Variants in PRIM2 observed in about 807,000 individuals in gnomAD.
PRIM2 encodes the protein DNA primase large subunit.
A neutral mutation model predicts 67.3 loss-of-function variants in PRIM2; 39 were observed. The ratio of observed to expected loss-of-function variants is 0.58; its 90% CI spans 0.45 to 0.76. The LOEUF is 0.76. PRIM2 is among the 30% of genes least tolerant of loss of function. The pLI is 0.00. For synonymous variants in PRIM2, 143 were observed against 198.7 expected, an observed-to-expected ratio of 0.72 and a Z score of 2.36; for missense variants, 398 against 598.7, an observed-to-expected ratio of 0.66 and a Z score of 3.50.
chr6:57,464,315 T>C (rs1773114716), intron 7 of PRIM2, among the ~76,000 whole-genome samples: 1 of 151,950 alleles, frequency 6.6e-6, no homozygotes, highest in Admixed American at 6.6e-5. Flanking sequence ...TCTTGCTCTG[T>C]CACCCAGGCT....
chr6:57,415,850 T>C (rs1178411217), intron 7 of PRIM2, among the ~76,000 whole-genome samples: 14 of 152,204 alleles, frequency 9.2e-5, no homozygotes, highest in African/African-American at 2.9e-4. Flanking sequence ...ATCACCAGAT[T>C]GCAGCTGTTT....
chr6:57,476,747 T>A (rs1218733651), intron 7 of PRIM2, among the ~76,000 whole-genome samples: 3 of 152,116 alleles, frequency 2.0e-5, no homozygotes, highest in African/African-American at 7.2e-5. Context: ...ATTATTTTTA[T>A]ATTTATTTAT....
intron 13 of PRIM2, 28 bp downstream of exon 13, chr6:57,632,229 T>G: frequency 7.8e-7 from 1 of 1,287,378 alleles, no homozygotes; most frequent in Non-Finnish European, 1.0e-6. Flanking sequence ...CTTTATATCC[T>G]AATTATTTGT....
intron 7 of PRIM2, among the ~76,000 whole-genome samples, chr6:57,474,173 CTTTTTTTTTTTTTT>C (rs1158188964): frequency 3.8e-4 from 24 of 63,966 alleles, no homozygotes; most frequent in South Asian, 1.6e-3. Flanking sequence ...ATTCTGCTAT[CTTTTTTTTTTTTTT>C]TTTTTTTTTT....
chr6:57,584,827 C>T (rs1480031240), intron 10 of PRIM2, among the ~76,000 whole-genome samples: 18 of 152,164 alleles, frequency 1.2e-4, no homozygotes, highest in Admixed American at 2.6e-4. Context: ...GCATATAATA[C>T]ATACTTACAG....
chr6:57,529,033 G>A (rs1223403049), intron 8 of PRIM2, among the ~76,000 whole-genome samples: 2 of 152,128 alleles, frequency 1.3e-5, no homozygotes, highest in East Asian at 1.9e-4. Context: ...AAAACCAGCC[G>A]GGCGCAGTGG....
chr6:57,441,549 G>T (rs1286287891), intron 7 of PRIM2, among the ~76,000 whole-genome samples: 1 of 152,108 alleles, frequency 6.6e-6, no homozygotes, highest in Non-Finnish European at 1.5e-5. Flanking sequence ...ATTCTGTACA[G>T]ACATGGTTTC....
chr6:57,510,120 G>T (rs1774334643), intron 8 of PRIM2, among the ~76,000 whole-genome samples: 1 of 151,796 alleles, frequency 6.6e-6, no homozygotes, highest in Non-Finnish European at 1.5e-5. Context: ...CAGAATTTGT[G>T]ATATTGTTAT....
At chr6:57,376,245 C>T (rs1437292593) in intron 5 of PRIM2, among the ~76,000 whole-genome samples, 1 of 152,002 alleles carries the variant, frequency 6.6e-6, no homozygotes, top group Non-Finnish European at 1.5e-5. Flanking sequence ...AACTCCTGGC[C>T]TCAAGCGATC....
chr6:57,535,390 T>C (rs1774983093), intron 9 of PRIM2, among the ~76,000 whole-genome samples: 1 of 152,202 alleles, frequency 6.6e-6, no homozygotes, highest in Admixed American at 6.5e-5. Flanking sequence ...TCTGTGGTGC[T>C]CAAGTTTTGC....
At chr6:57,555,551 A>G (rs1274159066) in intron 10 of PRIM2, among the ~76,000 whole-genome samples, 1 of 152,214 alleles carries the variant, frequency 6.6e-6, no homozygotes, top group Non-Finnish European at 1.5e-5. Flanking sequence ...AAGTGCTGGG[A>G]TTATAGGCGT....
chr6:57,357,204 T>C (rs1232459307), intron 5 of PRIM2, among the ~76,000 whole-genome samples: 1 of 152,186 alleles, frequency 6.6e-6, no homozygotes, highest in Non-Finnish European at 1.5e-5. Context: ...AGTGCTGGGA[T>C]TACAGGAGTG....
chr6:57,499,291 T>C (rs1236818201), intron 7 of PRIM2, among the ~76,000 whole-genome samples: 18 of 152,308 alleles, frequency 1.2e-4, no homozygotes, highest in African/African-American at 4.3e-4. Flanking sequence ...CATTTCAATA[T>C]GTACTGTTTC....
intron 7 of PRIM2, among the ~76,000 whole-genome samples, chr6:57,445,804 G>T (rs1772345538): frequency 6.6e-6 from 1 of 152,092 alleles, no homozygotes; most frequent in Non-Finnish European, 1.5e-5. Flanking sequence ...CTCATTCTTA[G>T]AATTGGTCCT....
chr6:57,637,194 A>C (rs1777136975), intron 13 of PRIM2, among the ~76,000 whole-genome samples: 1 of 152,244 alleles, frequency 6.6e-6, no homozygotes, highest in Admixed American at 6.5e-5. Flanking sequence ...ATTAACAAAC[A>C]GAAAGGAATA....
intron 7 of PRIM2, among the ~76,000 whole-genome samples, chr6:57,503,629 A>G: frequency 6.6e-6 from 1 of 152,080 alleles, no homozygotes; most frequent in East Asian, 1.9e-4. Context: ...CACACCTGTA[A>G]TCCTAGCTAC....
the PRIM2 span, chr6:57,221,821 T>C: frequency 6.6e-6 from 1 of 152,324 alleles, no homozygotes; most frequent in Admixed American, 6.5e-5. Flanking sequence ...GAGCCGGCGC[T>C]CGGCGGTCCG....
At chr6:57,618,799 C>A (rs1776798865) in intron 12 of PRIM2, among the ~76,000 whole-genome samples, 1 of 152,090 alleles carries the variant, frequency 6.6e-6, no homozygotes, top group Non-Finnish European at 1.5e-5. Flanking sequence ...TTTGCTCAGA[C>A]ACGCATAGCC....
At chr6:57,525,065 C>G (rs1410796086) in intron 8 of PRIM2, among the ~76,000 whole-genome samples, 5 of 151,946 alleles carry the variant, frequency 3.3e-5, no homozygotes, top group African/African-American at 7.3e-5. Flanking sequence ...TCCCCCACCC[C>G]CTGCCCACCT....
Sources: allele counts gnomAD v4.1 joint callset (sites outside exome capture counted in the v4.1 genomes callset), GRCh38; gene constraint gnomAD v4.1.1; transcripts MANE v1.5; gene names NCBI Gene and HGNC (gene_info 2026-07-23, HGNC 2026-07-21).